The following B4GALNT4 variants were observed in gnomAD, a reference collection of about 807,000 sequenced individuals.
B4GALNT4 encodes N-acetyl-beta-glucosaminyl-glycoprotein 4-beta-N-acetylgalactosaminyltransferase 1.
Under a neutral mutation model 110.0 loss-of-function variants are expected in B4GALNT4, and 77 were observed. The ratio of observed to expected loss-of-function variants is 0.70; its 90% CI spans 0.58 to 0.85. The LOEUF is 0.85. B4GALNT4 is among the 40% of genes least tolerant of loss of function. The probability of loss-of-function intolerance (pLI) is 0.00; values close to 1 mark genes in which losing one functional copy is unlikely to be tolerated. For missense variants in B4GALNT4, 1,575 were observed against 1,506.0 expected (o/e 1.05, Z -0.76); for synonymous variants, 785 against 655.5 (o/e 1.20, Z -3.02).
At position 375,914 on chromosome 11, in the gene B4GALNT4, G is replaced by A; in HGVS notation, c.1053G>A (p.Val351=). The A allele has an allele frequency of 6.2e-7, 1 of 1,612,044 alleles. No homozygotes were observed. The highest frequency in any genetic ancestry group is 1.3e-5 in the African/African-American group (1 of 74,966). ...LEPCAYAPTY[V]VKDFPIARYQ... ...CCTGCGCCTACGCCCCCACCTACGT[G>A]GTCAAGGACTTCCCGATCGCCAGAT... Residue 351 remains valine, a synonymous_variant, in exon 11 of 20, where the codon GTG becomes GTA. Transcript: ENST00000329962.
At position 380,120 on chromosome 11, in the gene B4GALNT4, C is replaced by G. The variant is rs762165986; in HGVS notation, c.2643-10C>G. 6.3e-7 allele frequency: 1 copy of G among 1,599,212 alleles called. No homozygotes were observed. The highest frequency in any genetic ancestry group is 8.5e-7 in the Non-Finnish European group (1 of 1,170,300). On this transcript the variant is annotated splice_polypyrimidine_tract_variant and intron_variant, in intron 16 of 19. Coordinates refer to ENST00000329962, the MANE Select transcript of B4GALNT4 (RefSeq NM_178537.5). ...CCCCAGAGATCGTGCCTGTGACTCG[C>G]CCTCCCCAGGTACCAGTACCTGAGA...
chr11:377,377 G>A (rs1296468984), intron 14 of B4GALNT4, 50 bp downstream of exon 14: 1 of 1,442,644 alleles, frequency 6.9e-7, no homozygotes, highest in African/African-American at 1.5e-5. Context: ...GGCGGGGACA[G>A]CCGGGGAGAG....
chr11:369,988 C>CGG (rs1846581518), intron 1 of B4GALNT4, 34 bp downstream of exon 1: 2 of 37,824 alleles, frequency 5.3e-5, no homozygotes, highest in Non-Finnish European at 9.4e-5. Context: ...GCGCGGGGGG[C>CGG]GGGGGCGGCG....
intron 14 of B4GALNT4, among the ~76,000 whole-genome samples, chr11:379,073 T>C (rs550123947): frequency 6.6e-6 from 1 of 152,322 alleles, no homozygotes; most frequent in East Asian, 1.9e-4. Flanking sequence ...CCTTGTCCTA[T>C]GGGCGGTGGC....
intron 8 of B4GALNT4, among the ~76,000 whole-genome samples, chr11:375,152 AGGAAGGGAGGGAGGT>A (rs1554914476): frequency 0.031 from 547 of 17,438 alleles, 195 homozygotes; most frequent in Admixed American, 0.063. Flanking sequence ...GGGAGGGAGG[AGGAAGGGAGGGAGGT>A]GGAAGGGAGG....
chr11:375,590 A>G (rs1224454602), intron 9 of B4GALNT4, 49 bp from the exon 10 acceptor site: 16 of 1,601,116 alleles, frequency 1.0e-5, no homozygotes, highest in Non-Finnish European at 1.4e-5. Context: ...GTGAGTGGGA[A>G]GAGTGGAGGA....
At position 375,935 on chromosome 11, in the gene B4GALNT4, CA is replaced by C. The variant is rs1554914701; in HGVS notation, c.1075del (p.Arg359AspfsTer48). 1.2e-6 allele frequency: 2 copies of C among 1,611,928 alleles called. No homozygotes were observed. Among genetic ancestry groups the C allele is most frequent in the Non-Finnish European group, 1.7e-6 (2 of 1,179,606 alleles). On this transcript the variant is annotated frameshift_variant, in exon 11 of 20. Coordinates refer to ENST00000329962, the MANE Select transcript of B4GALNT4 (RefSeq NM_178537.5). LOFTEE classifies it high-confidence loss of function. ...ACGTGGTCAAGGACTTCCCGATCGC[CA>C]GATACCAGGGCCTGCAATTTGTGAG... ...TYVVKDFPIA[R>X]YQGLQFVYLS...
At position 376,178 on chromosome 11, in the gene B4GALNT4, GGC is replaced by G; in HGVS notation, c.1196+10_1196+11del. The G allele has an allele frequency of 1.2e-6, 2 of 1,609,712 alleles. No individual in the cohort carries two copies. Among genetic ancestry groups the G allele is most frequent in the Non-Finnish European group, 1.7e-6 (2 of 1,178,098 alleles). ...AGTCTCCGCTGTATCTGGAGAGGTG[GGC>G]GCGCGGCCGGGCTAATGCGGGGCGG... On this transcript the variant is annotated splice_donor_5th_base_variant and intron_variant, in intron 12 of 19. Coordinates refer to ENST00000329962, the MANE Select transcript of B4GALNT4 (RefSeq NM_178537.5).
chr11:381,835 G>T lies in B4GALNT4; in HGVS notation c.*43G>T. The T allele has an allele frequency of 6.6e-7, 1 of 1,525,064 alleles. No homozygotes were observed. Among genetic ancestry groups the T allele is most frequent in the Non-Finnish European group, 8.8e-7 (1 of 1,140,228 alleles). The allele number at this position is 1,525,064 out of a possible 1,614,324, so 94.5% of individuals were successfully genotyped here. A position where few individuals can be genotyped will look rare whatever the true frequency, so the allele number is the denominator to read the frequency against. ...CAGCCCCGGTGGGAGTCCCGAGGCA[G>T]CTGCTGGGGGCTGGGCTTTGAGCTC... On this transcript the variant is annotated 3_prime_UTR_variant, in exon 20 of 20. Coordinates refer to ENST00000329962, the MANE Select transcript of B4GALNT4 (RefSeq NM_178537.5).
At chr11:374,370 G>T (rs1457901619) in intron 8 of B4GALNT4, among the ~76,000 whole-genome samples, 2 of 151,064 alleles carry the variant, frequency 1.3e-5, no homozygotes, top group South Asian at 2.1e-4. Flanking sequence ...GGCGGAAGGG[G>T]TTATACAGCA....
chr11:375,840 C>T lies in B4GALNT4; in HGVS notation c.986-7C>T, dbSNP rs1323771068. On this transcript the variant is annotated splice_region_variant and splice_polypyrimidine_tract_variant and intron_variant, in intron 10 of 19. Transcript: ENST00000329962. ...CCCCAGCCACCCTGTGACCGCACCT[C>T]CTGCAGCTCCACGCATGGAATCTTC... 1.9e-6 allele frequency: 3 copies of T among 1,608,136 alleles called. No individual in the cohort carries two copies. Among genetic ancestry groups the T allele is most frequent in the Non-Finnish European group, 2.5e-6 (3 of 1,178,676 alleles).
At chr11:372,290 C>T in intron 2 of B4GALNT4, 78 bp downstream of exon 2, 4 of 1,338,512 alleles carry the variant, frequency 3.0e-6, no homozygotes, top group Non-Finnish European at 3.1e-6. Flanking sequence ...GTCTTGAGAA[C>T]CTGTCCATTC....
At position 380,172 on chromosome 11, in the gene B4GALNT4, C is replaced by A. The variant is rs765630668; in HGVS notation, c.2685C>A (p.Ala895=). ...GAACCGGGAACTTCGAGCGCTCCGC[C>A]GGGCTGCAGGCGGGAGTGGACGCGG... ...LRRTGNFERS[A]GLQAGVDAVE... Residue 895 remains alanine (A), a synonymous_variant, in exon 17 of 20, where the codon GCC becomes GCA. Coordinates refer to ENST00000329962, the MANE Select transcript of B4GALNT4 (RefSeq NM_178537.5). The A allele has an allele frequency of 6.2e-7, 1 of 1,603,894 alleles. No homozygotes were observed. Among genetic ancestry groups the A allele is most frequent in the South Asian group, 1.1e-5 (1 of 90,422 alleles).
chr11:376,806 C>A lies in B4GALNT4; in HGVS notation c.1683C>A (p.Pro561=). 7.3e-7 allele frequency: 1 copy of A among 1,376,392 alleles called. No individual in the cohort carries two copies. Among genetic ancestry groups the A allele is most frequent in the Admixed American group, 3.2e-5 (1 of 31,602 alleles). The allele number at this position is 1,376,392 out of a possible 1,614,324, so 85.3% of individuals were successfully genotyped here. ...TCTTCCTGCACCCCAGGCCTCTGCCCAGAGTGCAGCTGCGGGCGCCCCCAC... is the reference window on the plus strand; with the variant it reads ...TCTTCCTGCACCCCAGGCCTCTGCCAAGAGTGCAGCTGCGGGCGCCCCCAC... ...PGVFLHPRPL[P]RVQLRAPPRP... Residue 561 remains proline (P), a synonymous_variant, in exon 14 of 20, where the codon CCC becomes CCA. Coordinates refer to ENST00000329962, the MANE Select transcript of B4GALNT4 (RefSeq NM_178537.5).
At chr11:379,751 G>T (rs759299239) in intron 15 of B4GALNT4, 50 bp downstream of exon 15, 1 of 1,503,370 alleles carries the variant, frequency 6.7e-7, no homozygotes, top group Non-Finnish European at 8.9e-7. Flanking sequence ...GAAGGAACAT[G>T]GACCCTAATG....
rs372741354 is a variant in B4GALNT4 at position 380,836 on chromosome 11, G to A, written c.2881G>A (p.Val961Met). Residue 961 changes from valine (V) to methionine (M), a missense_variant, in exon 19 of 20, where the codon GTG (valine) becomes ATG (methionine). By Grantham distance (21) the Val-to-Met change is conservative (BLOSUM62 1). Transcript: ENST00000329962. ...SPRDPHGYWE[V>M]NGFGLFGIYK... ...CCCTCCCGCCCCAGGTTACTGGGAG[G>A]TGAACGGCTTTGGCCTTTTTGGGAT... 3 of 1,613,896 alleles carry A rather than the reference G, an allele frequency of 1.9e-6. No individual in the cohort carries two copies. The highest frequency in any genetic ancestry group is 2.5e-6 in the Non-Finnish European group (3 of 1,179,906).
chr11:376,839 C>A lies in B4GALNT4; in HGVS notation c.1716C>A (p.Pro572=). The A allele has an allele frequency of 7.5e-7, 1 of 1,329,916 alleles. No individual in the cohort carries two copies. Among genetic ancestry groups the A allele is most frequent in the Non-Finnish European group, 9.6e-7 (1 of 1,040,448 alleles). 82.4% of individuals were successfully genotyped at this position (1,329,916 alleles called of 1,614,324 possible). A position where few individuals can be genotyped will look rare whatever the true frequency, so the allele number is the denominator to read the frequency against. Reference sequence around the variant, plus strand: ...AGCTGCGGGCGCCCCCACGCCCACCCCGGCCCCACGGCCGCAGGACCGGCG... The same window carrying A: ...AGCTGCGGGCGCCCCCACGCCCACCACGGCCCCACGGCCGCAGGACCGGCG... ...RVQLRAPPRP[P]RPHGRRTGGP... is the part of the protein sequence containing the mutation. Residue 572 remains proline, a synonymous_variant, in exon 14 of 20, where the codon CCC becomes CCA. Coordinates refer to ENST00000329962, the MANE Select transcript of B4GALNT4 (RefSeq NM_178537.5).
In B4GALNT4 at chr11:369,964, G is replaced by T. The variant is rs946274640; in HGVS notation, c.151+10G>T. On this transcript the variant is annotated intron_variant, in intron 1 of 19. Transcript: ENST00000329962. ...CTGGGCTACGGGCGAGGTACGGCGC[G>T]GGGGGCGCGGGGGGCGCGGGGGGCG... 1 of 587,270 alleles carries T rather than the reference G, an allele frequency of 1.7e-6. No homozygotes were observed. Among genetic ancestry groups the T allele is most frequent in the South Asian group, 7.4e-5 (1 of 13,602 alleles). The allele number at this position is 587,270 out of a possible 1,614,324, so 36.4% of individuals were successfully genotyped here. A position where few individuals can be genotyped will look rare whatever the true frequency, so the allele number is the denominator to read the frequency against.
chr11:376,616 C>T lies in B4GALNT4; in HGVS notation c.1493C>T (p.Ala498Val). Residue 498 changes from alanine (A) to valine (V), a missense_variant, in exon 14 of 20, where the codon GCC becomes GTC. Ala to Val is a moderately conservative substitution (Grantham distance 64, BLOSUM62 0). Transcript: ENST00000329962. ...PRHSRALSWA[A>V]RAARPLPLFL... ...CACTCCCGGGCCCTGAGCTGGGCCGCCAGGGCCGCCCGCCCTTTGCCGCTC... is the reference window on the plus strand; with the variant it reads ...CACTCCCGGGCCCTGAGCTGGGCCGTCAGGGCCGCCCGCCCTTTGCCGCTC... 4 of 1,398,990 alleles carry T rather than the reference C, an allele frequency of 2.9e-6. No homozygotes were observed. The highest frequency in any genetic ancestry group is 2.8e-6 in the Non-Finnish European group (3 of 1,078,364). 86.7% of individuals were successfully genotyped at this position (1,398,990 alleles called of 1,614,324 possible).
Sources: gnomAD v4.1 joint callset for allele counts (sites outside exome capture counted in the v4.1 genomes callset) on GRCh38, gnomAD v4.1.1 for gene constraint, MANE v1.5 for transcripts, NCBI Gene and HGNC (gene_info 2026-07-23, HGNC 2026-07-21) for gene names.